The following RASGRP4 variants were observed in gnomAD, a reference collection of about 807,000 sequenced individuals.
RASGRP4 encodes RAS guanyl releasing protein 4, also known as RAS guanyl-releasing protein 4.
Under a neutral mutation model 84.4 loss-of-function variants are expected in RASGRP4, and 52 were observed. The observed-to-expected ratio is 0.62, with a 90% CI of 0.49 to 0.78. The LOEUF (loss-of-function observed/expected upper bound fraction) is 0.78. Ranked by LOEUF, RASGRP4 falls within the 30% of genes least tolerant of loss-of-function variation. RASGRP4 has a pLI of 0.00. For synonymous variants in RASGRP4, 356 were observed against 359.1 expected, an observed-to-expected ratio of 0.99 and a Z score of 0.10; for missense variants, 760 against 886.9, an observed-to-expected ratio of 0.86 and a Z score of 1.82.
At chr19:38,423,724 C>A (rs973002093) in intron 1 of RASGRP4, among the ~76,000 whole-genome samples, 9 of 152,010 alleles carry the variant, frequency 5.9e-5, no homozygotes, top group African/African-American at 1.9e-4. Flanking sequence ...GTAATCCCAG[C>A]TACTCAGGAG....
At position 38,411,026 on chromosome 19, in the gene RASGRP4, G is replaced by A. The variant is rs761335022; in HGVS notation, c.1853-28C>T. 5.6e-6 allele frequency: 9 copies of A among 1,609,166 alleles called. No homozygotes were observed. The South Asian group carries it at 8.9e-5, about 16-fold the overall frequency. On this transcript the variant is annotated intron_variant, in intron 15 of 16. Transcript: ENST00000615439. ...GTTTGTGGGTGGATGGAAGGGATGT[G>A]GGTCTGATGGGAAGGACCTCTTCTT... is the stretch of plus-strand genomic sequence containing the variant.
chr19:38,411,555 TC>T, intron 13 of RASGRP4, 174 bp from the exon 14 acceptor site: 1 of 666,048 alleles, frequency 1.5e-6, no homozygotes, highest in African/African-American at 1.8e-5. Flanking sequence ...ATGCCAGTAA[TC>T]CCAGCACTTT....
In RASGRP4 at chr19:38,418,384, G is replaced by A. The variant is rs778204814; in HGVS notation, c.837+7C>T. ...TGGAGTTCGCAGCCCCAAGGGGCGG[G>A]CCTCACCTGTGCCACGTGAATGAAC... On this transcript the variant is annotated splice_region_variant and intron_variant, in intron 7 of 16. Transcript: ENST00000615439. This position sits in a 1 kb window ranked among gnomAD's most constrained non-coding sequence, Gnocchi z 4.6. 1.0e-5 allele frequency: 16 copies of A among 1,601,708 alleles called. No homozygotes were observed. Among genetic ancestry groups the A allele is most frequent in the Non-Finnish European group, 7.7e-6 (9 of 1,174,910 alleles).
At chr19:38,414,364 G>C (rs10411128) in intron 9 of RASGRP4, among the ~76,000 whole-genome samples, 21,477 of 142,822 alleles carry the variant, frequency 0.15, 2,409 homozygotes, top group African/African-American at 0.36. Flanking sequence ...TCTTGCCCAG[G>C]CTGGGGTGCA....
At chr19:38,424,010 T>C (rs1971877557) in intron 1 of RASGRP4, among the ~76,000 whole-genome samples, 1 of 152,198 alleles carries the variant, frequency 6.6e-6, no homozygotes, top group Non-Finnish European at 1.5e-5. Flanking sequence ...CAGAAATTTT[T>C]GCCAGCTGTT....
chr19:38,411,017 A>C lies in RASGRP4; in HGVS notation c.1853-19T>G. ...TCGGAGCCTGTTTGTGGGTGGATGGAAGGGATGTGGGTCTGATGGGAAGGA... is the reference window on the plus strand; with the variant it reads ...TCGGAGCCTGTTTGTGGGTGGATGGCAGGGATGTGGGTCTGATGGGAAGGA... On this transcript the variant is annotated intron_variant, in intron 15 of 16. Transcript: ENST00000615439. 6.2e-7 allele frequency: 1 copy of C among 1,608,298 alleles called. No homozygotes were observed. The highest frequency in any genetic ancestry group is 8.5e-7 in the Non-Finnish European group (1 of 1,177,328).
chr19:38,410,947 C>G lies in RASGRP4; in HGVS notation c.1904G>C (p.Cys635Ser), dbSNP rs751062755. 6.9e-6 allele frequency: 11 copies of G among 1,603,950 alleles called. No individual in the cohort carries two copies. The highest frequency in any genetic ancestry group is 9.4e-6 in the Non-Finnish European group (11 of 1,175,334). ...YTLSLEPETG[C>S]QLRHAWTQTE... is the part of the protein sequence containing the mutation. ...CTGGGTCCAGGCATGGCGAAGCTGG[C>G]ACCCAGTCTCAGGCTCCAGGGATAG... The change falls in exon 16 of 17, where the codon TGC (cysteine) becomes TCC (serine). Residue 635 changes from cysteine to serine, a missense_variant. Coordinates refer to ENST00000615439, the MANE Select transcript of RASGRP4 (RefSeq NM_170604.3).
chr19:38,422,707 A>T (rs1265653879), intron 1 of RASGRP4, among the ~76,000 whole-genome samples: 1 of 152,090 alleles, frequency 6.6e-6, no homozygotes, highest in African/African-American at 2.4e-5. Flanking sequence ...GGGAGCATCC[A>T]GTTGCAGGAA....
At chr19:38,424,379 G>A (rs1476466413) in intron 1 of RASGRP4, among the ~76,000 whole-genome samples, 1 of 151,842 alleles carries the variant, frequency 6.6e-6, no homozygotes, top group Non-Finnish European at 1.5e-5. Context: ...CTTTGCCTCT[G>A]AAAGTGCTGG....
intron 4 of RASGRP4, among the ~76,000 whole-genome samples, 188 bp downstream of exon 4, chr19:38,420,720 G>T (rs1240340412): frequency 6.7e-6 from 1 of 150,222 alleles, no homozygotes; most frequent in African/African-American, 2.5e-5. Context: ...GGAAGTGGGG[G>T]TTCTAAGGAA....
Position 38,418,492 on chromosome 19 carries a change from G to T in RASGRP4, c.736C>A (p.Leu246Ile). ...GCPALEGSVG[L>I]SNSVSRWVQV... ...ACCCAGCGGGACACGCTGTTGCTGA[G>T]ACCTACGGAGCCCTCCAGGGCCGGG... is the stretch of plus-strand genomic sequence containing the variant. The change falls in exon 7 of 17, where the codon CTC (leucine) becomes ATC (isoleucine). Residue 246 changes from leucine to isoleucine, a missense_variant. Transcript: ENST00000615439. This position sits in a 1 kb window ranked among gnomAD's most constrained non-coding sequence, Gnocchi z 4.6. The T allele has an allele frequency of 2.6e-6, 4 of 1,568,502 alleles. No homozygotes were observed. Among genetic ancestry groups the T allele is most frequent in the Non-Finnish European group, 2.6e-6 (3 of 1,157,250 alleles).
chr19:38,410,090 A>AG lies in RASGRP4; in HGVS notation c.1971dup (p.Cys658LeufsTer47), dbSNP rs1971161196. The AG allele has an allele frequency of 1.7e-5, 28 of 1,611,776 alleles. No homozygotes were observed. The highest frequency in any genetic ancestry group is 2.0e-5 in the Non-Finnish European group (24 of 1,178,918). On this transcript the variant is annotated frameshift_variant, in exon 17 of 17. Transcript: ENST00000615439. LOFTEE classifies it high-confidence loss of function. ...GTTGATGGTGGGTCCATCACCGGGC[A>AG]GGGGACCTGGAAGGAGGAAGGGAGG...
intron 13 of RASGRP4, among the ~76,000 whole-genome samples, chr19:38,411,822 C>G (rs1198167292): frequency 6.6e-6 from 1 of 152,118 alleles, no homozygotes; most frequent in Admixed American, 6.6e-5. Flanking sequence ...TGCTGTATTC[C>G]TGCTGTAACC....
chr19:38,413,541 C>G lies in RASGRP4; in HGVS notation c.1231-67G>C. On this transcript the variant is annotated intron_variant, in intron 9 of 16. Coordinates refer to ENST00000615439, the MANE Select transcript of RASGRP4 (RefSeq NM_170604.3). This position sits in a 1 kb window ranked among gnomAD's most constrained non-coding sequence, Gnocchi z 4.7. ...CCTGCCCCAGACCCCCACACCCACT[C>G]GCAGGCTCTTCCCAAAGCCCCTCCT... 1 of 1,338,028 alleles carries G rather than the reference C, an allele frequency of 7.5e-7. No individual in the cohort carries two copies. 82.9% of individuals were successfully genotyped at this position (1,338,028 alleles called of 1,614,324 possible).
chr19:38,424,616 TG>T (rs113584388), intron 1 of RASGRP4, among the ~76,000 whole-genome samples: 7,059 of 109,090 alleles, frequency 0.065, 322 homozygotes, highest in African/African-American at 0.14. Flanking sequence ...TGTGTGTCAA[TG>T]GGGGGGGGGG....
rs1568407238 is a variant in RASGRP4, at chr19:38,412,122, GTTGTTGTTGTTT to G, written c.1680+538_1680+549del. 1.5e-5 allele frequency among the ~76,000 whole-genome samples: 2 copies of G among 134,440 alleles called. No individual in the cohort carries two copies. Among genetic ancestry groups the G allele is most frequent in the South Asian group, 2.2e-4 (1 of 4,522 alleles). The allele number at this position is 134,440 out of a possible 152,430, so 88.2% of individuals were successfully genotyped here. On this transcript the variant is annotated intron_variant, in intron 13 of 16. Coordinates refer to ENST00000615439, the MANE Select transcript of RASGRP4 (RefSeq NM_170604.3). This position sits in a 1 kb window ranked among gnomAD's most constrained non-coding sequence, Gnocchi z 4.6. ...TGTTGTTGTTGTTGTTGTTGTTGTT[GTTGTTGTTGTTT>G]TTGAGACAGAATCTCGCTCTGTCAC...
intron 1 of RASGRP4, among the ~76,000 whole-genome samples, chr19:38,425,554 G>T (rs1354327933): frequency 6.6e-6 from 1 of 152,182 alleles, no homozygotes; most frequent in Admixed American, 6.5e-5. Flanking sequence ...CCTCTGTGGG[G>T]ACAGAAGGGC....
rs113017302 is a variant in RASGRP4, at chr19:38,418,608, C to A, written c.664-44G>T. ...TCAAGGTGGGCCGTGGCGCTCAGGC[C>A]CTGCCCTTCCATGGCATCCAACTAG... On this transcript the variant is annotated intron_variant, in intron 6 of 16. Transcript: ENST00000615439. The surrounding 1 kb of genome is among the most constrained non-coding windows in gnomAD (Gnocchi z 4.6). 7.6e-6 allele frequency: 11 copies of A among 1,453,938 alleles called. No individual in the cohort carries two copies. The highest frequency in any genetic ancestry group is 1.0e-5 in the Non-Finnish European group (11 of 1,100,248). The allele number at this position is 1,453,938 out of a possible 1,614,324, so 90.1% of individuals were successfully genotyped here. A position where few individuals can be genotyped will look rare whatever the true frequency, so the allele number is the denominator to read the frequency against.
Position 38,412,679 on chromosome 19 carries a change from C to A in RASGRP4, c.1673G>T (p.Ser558Ile), listed in dbSNP as rs770696140. ...FRKPTFCDSC[S>I]GFLWGVTKQG... ...ATGGGGTGGGGTGCTCACGAAGCCACTGCAGCTGTCGCAGAAGGTAGGCTT... is the reference window on the plus strand; with the variant it reads ...ATGGGGTGGGGTGCTCACGAAGCCAATGCAGCTGTCGCAGAAGGTAGGCTT... The change falls in exon 13 of 17, where the codon AGT (serine) becomes ATT (isoleucine). Residue 558 changes from serine to isoleucine, a missense_variant. Coordinates refer to ENST00000615439, the MANE Select transcript of RASGRP4 (RefSeq NM_170604.3). This position sits in a 1 kb window ranked among gnomAD's most constrained non-coding sequence, Gnocchi z 4.6. The A allele has an allele frequency of 1.2e-6, 2 of 1,613,078 alleles. No homozygotes were observed. The highest frequency in any genetic ancestry group is 3.3e-5 in the Admixed American group (2 of 59,908).
Sources: allele counts gnomAD v4.1 joint callset (sites outside exome capture counted in the v4.1 genomes callset), GRCh38; gene constraint gnomAD v4.1.1; non-coding constraint Gnocchi (gnomAD v3.1); transcripts MANE v1.5; gene names NCBI Gene and HGNC (gene_info 2026-07-23, HGNC 2026-07-21).